Variants in RBMS3 observed in about 807,000 individuals in gnomAD.
RBMS3 encodes RNA-binding motif, single-stranded-interacting protein 3.
A neutral mutation model predicts 66.8 loss-of-function variants in RBMS3; 27 were observed. The ratio of observed to expected loss-of-function variants is 0.40; its 90% CI spans 0.30 to 0.56. The LOEUF is 0.56. Among genes scored for constraint, RBMS3 ranks in the 20% least tolerant of loss-of-function variants. The pLI is 0.40. For synonymous variants in RBMS3, 188 were observed against 183.0 expected, an observed-to-expected ratio of 1.03 and a Z score of -0.22; for missense variants, 513 against 549.5, an observed-to-expected ratio of 0.93 and a Z score of 0.66.
intron 3 of RBMS3, among the ~76,000 whole-genome samples, chr3:29,544,753 C>T (rs1036092373): frequency 6.7e-6 from 1 of 148,802 alleles, no homozygotes; most frequent in African/African-American, 2.5e-5. Flanking sequence ...AAAGAATGGT[C>T]TGTATTAGTG....
intron 3 of RBMS3, among the ~76,000 whole-genome samples, chr3:29,535,524 C>G (rs746163451): frequency 2.0e-5 from 3 of 151,972 alleles, no homozygotes; most frequent in Admixed American, 6.6e-5. Context: ...TCTACCCTCT[C>G]AAGATTTCTG....
chr3:29,592,034 A>T (rs1182193806), intron 4 of RBMS3, among the ~76,000 whole-genome samples: 1 of 152,098 alleles, frequency 6.6e-6, no homozygotes, highest in Non-Finnish European at 1.5e-5. Context: ...CCAGATTGAG[A>T]CCAGAGGAAA....
chr3:29,635,585 C>A (rs144778178), intron 4 of RBMS3, among the ~76,000 whole-genome samples: 1 of 151,970 alleles, frequency 6.6e-6, no homozygotes, highest in East Asian at 1.9e-4. Context: ...CTGCTGCCTT[C>A]TATCCTCAAC....
chr3:29,846,224 C>T (rs1025895262), intron 6 of RBMS3, among the ~76,000 whole-genome samples: 1 of 151,962 alleles, frequency 6.6e-6, no homozygotes, highest in African/African-American at 2.4e-5. Context: ...GGGACCATTG[C>T]AGAATTCCAA....
At chr3:29,957,191 G>A (rs906811989) in intron 12 of RBMS3, among the ~76,000 whole-genome samples, 3 of 152,050 alleles carry the variant, frequency 2.0e-5, no homozygotes, top group African/African-American at 7.2e-5. Context: ...TTAGCACACT[G>A]AATCACCATT....
At chr3:29,360,181 T>C (rs921706858) in intron 1 of RBMS3, among the ~76,000 whole-genome samples, 18 of 152,244 alleles carry the variant, frequency 1.2e-4, no homozygotes, top group Admixed American at 1.2e-3. Flanking sequence ...CTTGTGGGCA[T>C]TTAGTGCTAT....
intron 4 of RBMS3, among the ~76,000 whole-genome samples, chr3:29,706,473 G>A (rs1016482234): frequency 3.3e-5 from 5 of 152,106 alleles, no homozygotes; most frequent in Non-Finnish European, 5.9e-5. Flanking sequence ...TTTCACAGAC[G>A]GCACTGGAGC....
chr3:29,852,478 C>A (rs1330108648), intron 6 of RBMS3, among the ~76,000 whole-genome samples: 1 of 152,050 alleles, frequency 6.6e-6, no homozygotes, highest in African/African-American at 2.4e-5. Flanking sequence ...CTAAAACAAC[C>A]CCATTAACAA....
chr3:29,963,687 G>A (rs187334448), intron 12 of RBMS3, among the ~76,000 whole-genome samples: 6 of 152,082 alleles, frequency 3.9e-5, no homozygotes, highest in African/African-American at 1.4e-4. Flanking sequence ...AATTAATTGG[G>A]TGTGGTGGCG....
chr3:29,736,215 C>T (rs2149343917), intron 4 of RBMS3, among the ~76,000 whole-genome samples: 1 of 152,252 alleles, frequency 6.6e-6, no homozygotes, highest in African/African-American at 2.4e-5. Flanking sequence ...AACAGAATTA[C>T]TTAAATAACA....
At chr3:29,342,960 G>A (rs2036362765) in intron 1 of RBMS3, among the ~76,000 whole-genome samples, 2 of 152,102 alleles carry the variant, frequency 1.3e-5, no homozygotes, top group African/African-American at 4.8e-5. Context: ...TGCATGTTAT[G>A]TATTATGTTT....
intron 1 of RBMS3, among the ~76,000 whole-genome samples, chr3:29,334,074 T>C (rs978718313): frequency 4.7e-5 from 7 of 149,198 alleles, no homozygotes; most frequent in Non-Finnish European, 8.9e-5. Context: ...AGAGAGTTGA[T>C]GTGAGAGTGA....
chr3:29,381,506 T>C (rs11707804), intron 1 of RBMS3, among the ~76,000 whole-genome samples: 32,026 of 152,148 alleles, frequency 0.21, 4,254 homozygotes, highest in Middle Eastern at 0.37. Flanking sequence ...GGGTGGGGGA[T>C]GCTGAAGAGA....
At chr3:29,829,979 A>G (rs1377808224) in intron 6 of RBMS3, among the ~76,000 whole-genome samples, 1 of 141,020 alleles carries the variant, frequency 7.1e-6, no homozygotes, top group Non-Finnish European at 1.6e-5. Flanking sequence ...AAGGGAATTA[A>G]TAAAAAAAAA....
chr3:29,741,655 T>A (rs2054653744), intron 5 of RBMS3, among the ~76,000 whole-genome samples: 1 of 152,222 alleles, frequency 6.6e-6, no homozygotes, highest in African/African-American at 2.4e-5. Flanking sequence ...AAACAAAGGA[T>A]GTGTTCGTAC....
intron 2 of RBMS3, among the ~76,000 whole-genome samples, chr3:29,441,896 C>A (rs1252780184): frequency 1.3e-5 from 2 of 152,092 alleles, no homozygotes; most frequent in Admixed American, 1.3e-4. Flanking sequence ...TTTCATGGGA[C>A]CTACCACTGT....
At chr3:29,381,747 C>T (rs1559534227) in intron 1 of RBMS3, among the ~76,000 whole-genome samples, 1 of 152,200 alleles carries the variant, frequency 6.6e-6, no homozygotes, top group Non-Finnish European at 1.5e-5. Context: ...TAGCTAATGA[C>T]TCTATCTGGG....
chr3:29,766,302 C>T (rs1463503689), intron 6 of RBMS3: 1 of 151,714 alleles, frequency 6.6e-6, no homozygotes, highest in Non-Finnish European at 1.5e-5. Flanking sequence ...TTTCCAAGTC[C>T]CCTACTATGT....
intron 1 of RBMS3, among the ~76,000 whole-genome samples, chr3:29,363,125 C>G (rs1470988241): frequency 6.6e-6 from 1 of 152,136 alleles, no homozygotes; most frequent in East Asian, 1.9e-4. Flanking sequence ...TTTAGTTGAA[C>G]TTGGCCTCTC....
Sources: allele counts gnomAD v4.1 joint callset (sites outside exome capture counted in the v4.1 genomes callset), GRCh38; gene constraint gnomAD v4.1.1; transcripts MANE v1.5; gene names NCBI Gene and HGNC (gene_info 2026-07-23, HGNC 2026-07-21).